Variants in STAT1 observed in about 807,000 individuals in gnomAD.
STAT1 encodes the protein signal transducer and activator of transcription 1-alpha/beta.
Under a neutral mutation model 111.7 loss-of-function variants are expected in STAT1, and 24 were observed. That is an observed-to-expected ratio of 0.21 (90% CI 0.16 to 0.30). The LOEUF (loss-of-function observed/expected upper bound fraction) is 0.30. Among genes scored for constraint, STAT1 ranks in the 10% least tolerant of loss-of-function variants. STAT1 has a pLI of 1.00. For synonymous variants in STAT1, 332 were observed against 326.5 expected (o/e 1.02, Z -0.18); for missense variants, 351 against 911.9 (o/e 0.38, Z 7.92).
At position 190,969,655 on chromosome 2, in the gene STAT1, A is replaced by C. The variant is rs1259996266; in HGVS notation, c.*1048T>G. On this transcript the variant is annotated 3_prime_UTR_variant, in exon 25 of 25. Transcript: ENST00000361099. Reference sequence around the variant, plus strand: ...TATCAGCGAAACATATGCAGTTCTCAATGCAGTTACATAGGAAATGAGTTT... The same window carrying C: ...TATCAGCGAAACATATGCAGTTCTCCATGCAGTTACATAGGAAATGAGTTT... 1 of 152,234 alleles carries C rather than the reference A, an allele frequency of 6.6e-6. No individual in the cohort carries two copies. Among genetic ancestry groups the C allele is most frequent in the Non-Finnish European group, 1.5e-5 (1 of 68,018 alleles). The allele number at this position is 152,234 out of a possible 1,614,324, so 9.4% of individuals were successfully genotyped here.
At position 190,977,126 on chromosome 2, in the gene STAT1, A is replaced by G. The variant is rs1691966848; in HGVS notation, c.1874-101T>C. 1.8e-6 allele frequency: 2 copies of G among 1,096,908 alleles called. No individual in the cohort carries two copies. Among genetic ancestry groups the G allele is most frequent in the Non-Finnish European group, 2.8e-6 (2 of 719,574 alleles). 67.9% of individuals were successfully genotyped at this position (1,096,908 alleles called of 1,614,324 possible). A position where few individuals can be genotyped will look rare whatever the true frequency, so the allele number is the denominator to read the frequency against. On this transcript the variant is annotated intron_variant, in intron 21 of 24. Transcript: ENST00000361099. The surrounding 1 kb of genome is among the most constrained non-coding windows in gnomAD (Gnocchi z 4.7). ...GAGTTGATGGATTTGAGTGAACCTC[A>G]TAAGAACTAATCACAATCTAAGCAT...
chr2:191,000,953 T>A lies in STAT1; in HGVS notation c.462+121A>T. 2 of 832,320 alleles carry A rather than the reference T, an allele frequency of 2.4e-6. No individual in the cohort carries two copies. The highest frequency in any genetic ancestry group is 2.8e-5 in the South Asian group (2 of 71,148). 51.6% of individuals were successfully genotyped at this position (832,320 alleles called of 1,614,324 possible). The stretch of plus-strand genomic sequence containing the variant: ...TTATAGCTTGAGACTTCTGCAAAAT[T>A]TTTCTTCCCAACTACTTAAAAGACT... On this transcript the variant is annotated intron_variant, in intron 6 of 24. Transcript: ENST00000361099. The surrounding 1 kb of genome is among the most constrained non-coding windows in gnomAD (Gnocchi z 4.8).
At position 190,979,575 on chromosome 2, in the gene STAT1, A is replaced by G. The variant is rs1692192985; in HGVS notation, c.1727+197T>C. Among the ~76,000 whole-genome samples, 1 of 151,944 alleles carries G rather than the reference A, an allele frequency of 6.6e-6. No homozygotes were observed. The highest frequency in any genetic ancestry group is 2.1e-4 in the South Asian group (1 of 4,820). On this transcript the variant is annotated intron_variant, in intron 20 of 24. Transcript: ENST00000361099. This position sits in a 1 kb window ranked among gnomAD's most constrained non-coding sequence, Gnocchi z 5.8. ...TTTTTTAATTTAGCTTTGCCAATAC[A>G]TATACTTGTACTAAGAAAGTGTAAG...
Position 191,000,393 on chromosome 2 carries a change from A to T in STAT1, c.462+681T>A, listed in dbSNP as rs1694181423. ...GTGGAGTTTGGAAAGATGCTGTCTG[A>T]AGCATGTAAGTCAAGGCCATACTGC... On this transcript the variant is annotated intron_variant, in intron 6 of 24. Coordinates refer to ENST00000361099, the MANE Select transcript of STAT1 (RefSeq NM_007315.4). The surrounding 1 kb of genome is among the most constrained non-coding windows in gnomAD (Gnocchi z 4.8). Among the ~76,000 whole-genome samples the T allele has an allele frequency of 6.6e-6, 1 of 152,144 alleles. No homozygotes were observed. The highest frequency in any genetic ancestry group is 2.1e-4 in the South Asian group (1 of 4,828).
chr2:191,005,529 C>A (rs1400092910), intron 5 of STAT1, among the ~76,000 whole-genome samples: 2 of 152,170 alleles, frequency 1.3e-5, no homozygotes, highest in Non-Finnish European at 2.9e-5. Flanking sequence ...GCGTTCAGTA[C>A]AACTTCATAT....
rs1212242185 is a variant in STAT1 at position 190,998,929 on chromosome 2, GA to G, written c.542-622del. 6.6e-6 allele frequency among the ~76,000 whole-genome samples: 1 copy of G among 152,102 alleles called. No individual in the cohort carries two copies. The highest frequency in any genetic ancestry group is 1.5e-5 in the Non-Finnish European group (1 of 68,018). ...AGTAGATGAGTAGGAAGTGGTAGTT[GA>G]AGTTGCTGTCTCTTATACTTTCTAC... is the stretch of plus-strand genomic sequence containing the variant. On this transcript the variant is annotated intron_variant, in intron 7 of 24. Transcript: ENST00000361099. This position sits in a 1 kb window ranked among gnomAD's most constrained non-coding sequence, Gnocchi z 4.1.
rs1694690107 is a variant in STAT1 at position 191,006,306 on chromosome 2, CA to C, written c.372+1256del. 6.6e-6 allele frequency among the ~76,000 whole-genome samples: 1 copy of C among 152,194 alleles called. No homozygotes were observed. Reference sequence around the variant, plus strand: ...GAGACAACCTGGCCAGCTTCTCCTCCAGCGTTGATATACACCTTTGTTCCCT... The same window carrying C: ...GAGACAACCTGGCCAGCTTCTCCTCCGCGTTGATATACACCTTTGTTCCCT... On this transcript the variant is annotated intron_variant, in intron 5 of 24. Coordinates refer to ENST00000361099, the MANE Select transcript of STAT1 (RefSeq NM_007315.4). This position sits in a 1 kb window ranked among gnomAD's most constrained non-coding sequence, Gnocchi z 4.6.
rs1329950153 is a variant in STAT1 at position 190,978,221 on chromosome 2, A to G, written c.1873+635T>C. Among the ~76,000 whole-genome samples the G allele has an allele frequency of 2.0e-5, 3 of 152,228 alleles. No homozygotes were observed. The highest frequency in any genetic ancestry group is 2.9e-5 in the Non-Finnish European group (2 of 68,042). On this transcript the variant is annotated intron_variant, in intron 21 of 24. Coordinates refer to ENST00000361099, the MANE Select transcript of STAT1 (RefSeq NM_007315.4). This position sits in a 1 kb window ranked among gnomAD's most constrained non-coding sequence, Gnocchi z 6.1. ...AGACCAAACTCTAAACAACAGTGAAAAGTAATCAGTTGGTCTTTATGATTT... is the reference window on the plus strand; with the variant it reads ...AGACCAAACTCTAAACAACAGTGAAGAGTAATCAGTTGGTCTTTATGATTT...
rs1039902897 is a variant in STAT1, at chr2:190,986,467, G to A, written c.1221+387C>T. Among the ~76,000 whole-genome samples, 3 of 152,216 alleles carry A rather than the reference G, an allele frequency of 2.0e-5. No homozygotes were observed. Among genetic ancestry groups the A allele is most frequent in the Non-Finnish European group, 4.4e-5 (3 of 68,032 alleles). On this transcript the variant is annotated intron_variant, in intron 14 of 24. Transcript: ENST00000361099. This position sits in a 1 kb window ranked among gnomAD's most constrained non-coding sequence, Gnocchi z 5.0. ...CAGGGCCACCAGGAAGGGGAACACG[G>A]GGGCTGAGGAGTGAACCCTGGTGTA...
chr2:191,012,996 C>T lies in STAT1; in HGVS notation c.-2+529G>A, dbSNP rs2125111557. On this transcript the variant is annotated intron_variant, in intron 2 of 24. Coordinates refer to ENST00000361099, the MANE Select transcript of STAT1 (RefSeq NM_007315.4). This position sits in a 1 kb window ranked among gnomAD's most constrained non-coding sequence, Gnocchi z 4.0. ...GTTTTCCTTGTAAAGCTCTGTGATGCCTCCAGAGTCCCCGGCGGGGGAAGG... is the reference window on the plus strand; with the variant it reads ...GTTTTCCTTGTAAAGCTCTGTGATGTCTCCAGAGTCCCCGGCGGGGGAAGG... Among the ~76,000 whole-genome samples, 1 of 152,300 alleles carries T rather than the reference C, an allele frequency of 6.6e-6. No individual in the cohort carries two copies. The highest frequency in any genetic ancestry group is 1.5e-5 in the Non-Finnish European group (1 of 68,032).
In STAT1 at chr2:190,984,334, C is replaced by T. The variant is rs1321783813; in HGVS notation, c.1323G>A (p.Gln441=). Residue 441 remains glutamine (Q), a synonymous_variant, in exon 16 of 25, where the codon CAG becomes CAA. Transcript: ENST00000361099. The surrounding 1 kb of genome is among the most constrained non-coding windows in gnomAD (Gnocchi z 5.2). ...CCTCGAGGTCAATTACCAAACCAGG[C>T]TGGCACAATTGGGTTTCAAAACTAA... ...HSLSFETQLC[Q]PGLVIDLETT... is the part of the protein sequence containing the mutation. 3 of 1,613,954 alleles carry T rather than the reference C, an allele frequency of 1.9e-6. No individual in the cohort carries two copies. Among genetic ancestry groups the T allele is most frequent in the Non-Finnish European group, 2.5e-6 (3 of 1,179,990 alleles).
chr2:190,999,909 G>C lies in STAT1; in HGVS notation c.463-205C>G, dbSNP rs1337406900. Among the ~76,000 whole-genome samples, 1 of 152,130 alleles carries C rather than the reference G, an allele frequency of 6.6e-6. No homozygotes were observed. The highest frequency in any genetic ancestry group is 1.5e-5 in the Non-Finnish European group (1 of 68,026). On this transcript the variant is annotated intron_variant, in intron 6 of 24. Coordinates refer to ENST00000361099, the MANE Select transcript of STAT1 (RefSeq NM_007315.4). This position sits in a 1 kb window ranked among gnomAD's most constrained non-coding sequence, Gnocchi z 4.1. ...AGTATGTCATAACATTTTTAAAAAA[G>C]CAAACGTACAATAATTCTCAAACTG...
rs1692482435 is a variant in STAT1, at chr2:190,982,709, C to T, written c.1447-191G>A. On this transcript the variant is annotated intron_variant, in intron 17 of 24. Coordinates refer to ENST00000361099, the MANE Select transcript of STAT1 (RefSeq NM_007315.4). This position sits in a 1 kb window ranked among gnomAD's most constrained non-coding sequence, Gnocchi z 7.3. ...GCACATTTGTGAACTTGTTTACTCACTAAAATTTACTTGTAACTCCAAAAT... is the reference window on the plus strand; with the variant it reads ...GCACATTTGTGAACTTGTTTACTCATTAAAATTTACTTGTAACTCCAAAAT... 6.6e-6 allele frequency among the ~76,000 whole-genome samples: 1 copy of T among 152,192 alleles called. No individual in the cohort carries two copies. The highest frequency in any genetic ancestry group is 1.5e-5 in the Non-Finnish European group (1 of 68,044).
In STAT1 at chr2:190,987,952, C is replaced by T. The variant is rs113034626; in HGVS notation, c.1098-884G>A. On this transcript the variant is annotated intron_variant, in intron 12 of 24. Transcript: ENST00000361099. The surrounding 1 kb of genome is among the most constrained non-coding windows in gnomAD (Gnocchi z 4.0). ...CTAAGAAGACCGTCAGAGCTGGAAC[C>T]GACAGAAAAGACACAAGGGCCCGAA... Among the ~76,000 whole-genome samples, 85 of 152,288 alleles carry T rather than the reference C, an allele frequency of 5.6e-4. 2 individuals carry two copies. The highest frequency in any genetic ancestry group is 3.4e-3 in the Middle Eastern group (1 of 294).
Position 190,986,079 on chromosome 2 carries a change from C to T in STAT1, c.1222-419G>A, listed in dbSNP as rs1211527603. Among the ~76,000 whole-genome samples the T allele has an allele frequency of 6.6e-6, 1 of 152,202 alleles. No individual in the cohort carries two copies. The highest frequency in any genetic ancestry group is 1.9e-4 in the East Asian group (1 of 5,192). On this transcript the variant is annotated intron_variant, in intron 14 of 24. Coordinates refer to ENST00000361099, the MANE Select transcript of STAT1 (RefSeq NM_007315.4). This position sits in a 1 kb window ranked among gnomAD's most constrained non-coding sequence, Gnocchi z 5.0. ...GACGTCAATCTCTGAGCTGTCAATC[C>T]CTGAGCTGACGAGGGAGCAGGCTGG...
rs1449157194 is a variant in STAT1 at position 190,998,683 on chromosome 2, AAAAAAAAAC to A, written c.542-384_542-376del. 6.8e-6 allele frequency among the ~76,000 whole-genome samples: 1 copy of A among 147,520 alleles called. No homozygotes were observed. Among genetic ancestry groups the A allele is most frequent in the East Asian group, 1.9e-4 (1 of 5,184 alleles). On this transcript the variant is annotated intron_variant, in intron 7 of 24. Transcript: ENST00000361099. This position sits in a 1 kb window ranked among gnomAD's most constrained non-coding sequence, Gnocchi z 4.1. ...TCTCCAAAAAAAAACAAAAAAAACA[AAAAAAAAAC>A]AAAAAAAACTTGTTTTCAGTGACCC...
rs1359121198 is a variant in STAT1 at position 190,981,506 on chromosome 2, T to C, written c.1583-837A>G. On this transcript the variant is annotated intron_variant, in intron 18 of 24. Coordinates refer to ENST00000361099, the MANE Select transcript of STAT1 (RefSeq NM_007315.4). The surrounding 1 kb of genome is among the most constrained non-coding windows in gnomAD (Gnocchi z 4.1). ...TTCAAAGAGAACTACAAATGAGCCA[T>C]TACAGCTAGAAAAGATATCCTTCTT... Among the ~76,000 whole-genome samples, 3 of 152,178 alleles carry C rather than the reference T, an allele frequency of 2.0e-5. No individual in the cohort carries two copies. The highest frequency in any genetic ancestry group is 4.4e-5 in the Non-Finnish European group (3 of 68,032).
rs62179905 is a variant in STAT1 at position 190,997,671 on chromosome 2, C to A, written c.785+185G>T. Among the ~76,000 whole-genome samples, 531 of 152,198 alleles carry A rather than the reference C, an allele frequency of 3.5e-3. 3 individuals are homozygous for A. Among genetic ancestry groups the A allele is most frequent in the Middle Eastern group, 0.024 (7 of 294 alleles). ...ACCAAGCAGACGTGGCTGAACGTGG[C>A]GAGAGTCATGAATAACACTGTGCTT... On this transcript the variant is annotated intron_variant, in intron 9 of 24. Transcript: ENST00000361099. This position sits in a 1 kb window ranked among gnomAD's most constrained non-coding sequence, Gnocchi z 7.3.
chr2:191,013,824 T>G, intron 1 of STAT1, 146 bp from the exon 2 acceptor site: 1 of 395,116 alleles, frequency 2.5e-6, no homozygotes, highest in African/African-American at 2.1e-5. Context: ...AGGACAATCG[T>G]GCTGAGCAGT....
Sources: gnomAD v4.1 joint callset for allele counts (sites outside exome capture counted in the v4.1 genomes callset) on GRCh38, gnomAD v4.1.1 for gene constraint, Gnocchi (gnomAD v3.1) non-coding constraint, MANE v1.5 for transcripts, NCBI Gene and HGNC (gene_info 2026-07-23, HGNC 2026-07-21) for gene names.